Variants in MBNL2 observed in about 807,000 individuals in gnomAD.
MBNL2 encodes muscleblind-like protein 2.
In MBNL2, 17 loss-of-function variants were observed where a neutral mutation model predicts 41.9. The ratio of observed to expected loss-of-function variants is 0.41; its 90% confidence interval spans 0.28 to 0.61. The LOEUF (loss-of-function observed/expected upper bound fraction) is 0.61, where lower values mean the gene tolerates loss of function less well. Ranked by LOEUF, MBNL2 falls within the 20% of genes least tolerant of loss-of-function variation. MBNL2 has a pLI of 0.35. For missense variants in MBNL2, 336 were observed against 505.6 expected (o/e 0.66, Z 3.22); for synonymous variants, 195 against 182.9 (o/e 1.07, Z -0.53).
At chr13:97,368,143 C>G (rs569556061) in intron 8 of MBNL2, among the ~76,000 whole-genome samples, 5 of 152,242 alleles carry the variant, frequency 3.3e-5, no homozygotes, top group African/African-American at 9.6e-5. Context: ...AGTGCAGTGC[C>G]TCATGCTTGT....
At chr13:97,300,652 A>T (rs1335408397) in intron 2 of MBNL2, among the ~76,000 whole-genome samples, 1 of 152,084 alleles carries the variant, frequency 6.6e-6, no homozygotes, top group Admixed American at 6.6e-5. Context: ...CTCTTGCAAC[A>T]TTGCCTTTCT....
chr13:97,325,553 C>T (rs192001616), intron 2 of MBNL2, among the ~76,000 whole-genome samples: 47 of 152,098 alleles, frequency 3.1e-4, no homozygotes, highest in South Asian at 2.9e-3. Context: ...CAACACAGTG[C>T]GAACCAGACT....
intron 8 of MBNL2, among the ~76,000 whole-genome samples, chr13:97,384,251 G>A (rs2065745096): frequency 6.6e-6 from 1 of 152,154 alleles, no homozygotes; most frequent in Non-Finnish European, 1.5e-5. Context: ...GTTCTTGAAA[G>A]TGTACATTTG....
intron 1 of MBNL2, among the ~76,000 whole-genome samples, chr13:97,237,897 C>T (rs1449049164): frequency 6.6e-6 from 1 of 152,122 alleles, no homozygotes; most frequent in Non-Finnish European, 1.5e-5. Flanking sequence ...AAGGCATGGG[C>T]TGGGATAGCA....
intron 2 of MBNL2, among the ~76,000 whole-genome samples, chr13:97,287,051 T>C (rs2054605780): frequency 6.6e-6 from 1 of 152,198 alleles, no homozygotes; most frequent in African/African-American, 2.4e-5. Context: ...AAATCGCTTT[T>C]CTGGCTGACT....
chr13:97,299,984 G>A (rs2057457924), intron 2 of MBNL2, among the ~76,000 whole-genome samples: 1 of 152,218 alleles, frequency 6.6e-6, no homozygotes, highest in South Asian at 2.1e-4. Context: ...CATCATTCAA[G>A]GCCCATATTC....
chr13:97,310,670 C>T lies in MBNL2; in HGVS notation c.175-23606C>T, dbSNP rs533162519. On this transcript the variant is annotated intron_variant, in intron 2 of 8. Coordinates refer to ENST00000679496, the MANE Select transcript of MBNL2 (RefSeq NM_001382683.1). ...GGCCTCCATCTCCTGACCTTGTGAT[C>T]CACCTGCCTCAGCCTCCCAAAGTGC... Among the ~76,000 whole-genome samples the T allele has an allele frequency of 2.6e-5, 4 of 152,172 alleles. No individual in the cohort carries two copies. The South Asian group carries it at 6.2e-4, about 24-fold the overall frequency.
At chr13:97,166,604 A>T in the MBNL2 span, among the ~76,000 whole-genome samples, 1 of 151,966 alleles carries the variant, frequency 6.6e-6, no homozygotes, top group South Asian at 2.1e-4. Context: ...AAAAGAGGAG[A>T]CTGGCCTAGC....
At chr13:97,386,566 TA>T (rs1197300215) in intron 8 of MBNL2, among the ~76,000 whole-genome samples, 1 of 152,168 alleles carries the variant, frequency 6.6e-6, no homozygotes, top group Non-Finnish European at 1.5e-5. Flanking sequence ...CACTTTTTAG[TA>T]AGGTTGGCTA....
intron 8 of MBNL2, among the ~76,000 whole-genome samples, chr13:97,389,441 C>T (rs995529384): frequency 4.6e-5 from 7 of 152,136 alleles, no homozygotes; most frequent in African/African-American, 9.7e-5. Flanking sequence ...CAGTGGCTCA[C>T]GCCTATAATC....
chr13:97,230,777 A>T (rs2042272146), intron 1 of MBNL2, among the ~76,000 whole-genome samples: 1 of 152,246 alleles, frequency 6.6e-6, no homozygotes. Context: ...ACTCTCCTGC[A>T]CATAGCTTTT....
the MBNL2 span, among the ~76,000 whole-genome samples, chr13:97,188,716 C>A: frequency 6.6e-6 from 1 of 151,944 alleles, no homozygotes; most frequent in South Asian, 2.1e-4. Flanking sequence ...ACCCTGATTT[C>A]TTTTAGGCAG....
chr13:97,173,376 A>G, the MBNL2 span, among the ~76,000 whole-genome samples: 2 of 152,210 alleles, frequency 1.3e-5, no homozygotes, highest in Non-Finnish European at 2.9e-5. Flanking sequence ...GAACTAACCA[A>G]AAGGCAGAGA....
At chr13:97,181,709 C>T in the MBNL2 span, among the ~76,000 whole-genome samples, 1 of 152,166 alleles carries the variant, frequency 6.6e-6, no homozygotes, top group African/African-American at 2.4e-5. Flanking sequence ...CAGTTAAGCA[C>T]CATTCAGTAA....
Position 97,317,198 on chromosome 13 carries a change from G to A in MBNL2, c.175-17078G>A, listed in dbSNP as rs780943654. 1.6e-4 allele frequency among the ~76,000 whole-genome samples: 25 copies of A among 152,182 alleles called. 1 individual carries two copies. The highest frequency in any genetic ancestry group is 6.5e-5 in the Admixed American group (1 of 15,276). The stretch of plus-strand genomic sequence containing the variant: ...GATGCATCAATTGGGCTTCAGTCCC[G>A]TGTGGTCCTATAAGTGTCACTCTGT... On this transcript the variant is annotated intron_variant, in intron 2 of 8. Coordinates refer to ENST00000679496, the MANE Select transcript of MBNL2 (RefSeq NM_001382683.1).
At chr13:97,374,177 T>C (rs1027250850) in intron 8 of MBNL2, among the ~76,000 whole-genome samples, 14 of 150,254 alleles carry the variant, frequency 9.3e-5, no homozygotes, top group Non-Finnish European at 4.4e-5. Flanking sequence ...AAACGGAGTC[T>C]CGCTCTGTCG....
chr13:97,342,260 T>C (rs1410115709), intron 3 of MBNL2, among the ~76,000 whole-genome samples: 1 of 152,208 alleles, frequency 6.6e-6, no homozygotes, highest in African/African-American at 2.4e-5. Context: ...ATGAGGAATA[T>C]AGGGACAGAG....
intron 2 of MBNL2, among the ~76,000 whole-genome samples, chr13:97,328,641 A>ACACAGTT (rs142156271): frequency 0.035 from 5,256 of 152,286 alleles, 287 homozygotes; most frequent in African/African-American, 0.11. Context: ...CCATGTAAAG[A>ACACAGTT]CACAGTTCAA....
intron 2 of MBNL2, among the ~76,000 whole-genome samples, chr13:97,293,538 C>T (rs1268273658): frequency 1.3e-5 from 2 of 152,110 alleles, no homozygotes; most frequent in Admixed American, 1.3e-4. Flanking sequence ...AGATATTTAT[C>T]CAAACATTAA....
Sources: allele counts gnomAD v4.1 joint callset (sites outside exome capture counted in the v4.1 genomes callset), GRCh38; gene constraint gnomAD v4.1.1; transcripts MANE v1.5; gene names NCBI Gene and HGNC (gene_info 2026-07-23, HGNC 2026-07-21).